ZFPM2: variants seen among roughly 807,000 people sequenced by gnomAD.
ZFPM2 encodes the protein zinc finger protein ZFPM2.
Under a neutral mutation model 98.6 loss-of-function variants are expected in ZFPM2, and 20 were observed. The ratio of observed to expected loss-of-function variants is 0.20; its 90% confidence interval spans 0.14 to 0.29. The LOEUF is 0.29. ZFPM2 is among the 10% of genes least tolerant of loss of function. ZFPM2 has a pLI of 1.00. For missense variants in ZFPM2, 1,310 were observed against 1,388.6 expected (o/e 0.94, Z 0.90); for synonymous variants, 518 against 502.7 (o/e 1.03, Z -0.41).
At chr8:105,364,027 T>C (rs777307905) in intron 1 of ZFPM2, among the ~76,000 whole-genome samples, 10 of 152,124 alleles carry the variant, frequency 6.6e-5, no homozygotes, top group South Asian at 2.1e-4. Flanking sequence ...GGAAGATGTG[T>C]TGTAGACTAC....
intron 3 of ZFPM2, among the ~76,000 whole-genome samples, chr8:105,484,502 T>C (rs1366272541): frequency 6.6e-6 from 1 of 152,172 alleles, no homozygotes; most frequent in Non-Finnish European, 1.5e-5. Context: ...TAATTTTAAA[T>C]ATACATATTT....
intron 3 of ZFPM2, among the ~76,000 whole-genome samples, chr8:105,447,870 A>C (rs1300633123): frequency 6.6e-6 from 1 of 152,126 alleles, no homozygotes; most frequent in African/African-American, 2.4e-5. Context: ...TGCAGATTCC[A>C]CAGTGGAAAG....
At chr8:105,388,196 T>C (rs1331819337) in intron 1 of ZFPM2, among the ~76,000 whole-genome samples, 1 of 152,132 alleles carries the variant, frequency 6.6e-6, no homozygotes, top group Non-Finnish European at 1.5e-5. Context: ...CACATGTGCA[T>C]ATGAATGTGC....
chr8:105,403,306 C>T (rs1216240410), intron 1 of ZFPM2, among the ~76,000 whole-genome samples: 2 of 151,978 alleles, frequency 1.3e-5, no homozygotes, highest in African/African-American at 4.8e-5. Context: ...TATAATCCGT[C>T]TTCCCTGGTT....
At chr8:105,502,298 AAGG>A (rs1813611695) in intron 3 of ZFPM2, among the ~76,000 whole-genome samples, 1 of 152,174 alleles carries the variant, frequency 6.6e-6, no homozygotes, top group Admixed American at 6.5e-5. Context: ...CATGGGAAGT[AAGG>A]ATAGATTAGA....
chr8:105,605,472 A>T (rs1414190162), intron 4 of ZFPM2, among the ~76,000 whole-genome samples: 1 of 152,134 alleles, frequency 6.6e-6, no homozygotes, highest in African/African-American at 2.4e-5. Context: ...TTTTATCTAC[A>T]TCATTAAAAC....
At chr8:105,753,691 A>T (rs979940681) in intron 5 of ZFPM2, among the ~76,000 whole-genome samples, 3 of 152,170 alleles carry the variant, frequency 2.0e-5, no homozygotes, top group African/African-American at 7.2e-5. Flanking sequence ...TAAGAAAATA[A>T]ATTTATATTT....
intron 1 of ZFPM2, among the ~76,000 whole-genome samples, chr8:105,368,187 CTT>C: frequency 6.9e-6 from 1 of 144,942 alleles, no homozygotes; most frequent in African/African-American, 2.6e-5. Context: ...CTAAAATTCT[CTT>C]TTTTGGTTGT....
chr8:105,379,572 G>GGT (rs1240873428), intron 1 of ZFPM2, among the ~76,000 whole-genome samples: 1 of 152,046 alleles, frequency 6.6e-6, no homozygotes, highest in East Asian at 1.9e-4. Flanking sequence ...TGACCAACAT[G>GGT]GTGAAACCCC....
At chr8:105,759,481 A>G (rs1202702430) in intron 5 of ZFPM2, among the ~76,000 whole-genome samples, 1 of 151,834 alleles carries the variant, frequency 6.6e-6, no homozygotes, top group Admixed American at 6.6e-5. Flanking sequence ...AAGGCTCCCA[A>G]TTATTGTTGG....
chr8:105,434,897 C>G (rs1812090789), intron 2 of ZFPM2, among the ~76,000 whole-genome samples: 1 of 152,296 alleles, frequency 6.6e-6, no homozygotes, highest in African/African-American at 2.4e-5. Context: ...GAAAAAGTGA[C>G]TGTCTCGGAA....
At chr8:105,505,072 TG>T (rs1813672263) in intron 3 of ZFPM2, among the ~76,000 whole-genome samples, 1 of 152,162 alleles carries the variant, frequency 6.6e-6, no homozygotes, top group Non-Finnish European at 1.5e-5. Flanking sequence ...GAAAATTACA[TG>T]GGTTTGGAAT....
intron 4 of ZFPM2, among the ~76,000 whole-genome samples, chr8:105,603,786 C>T (rs1816142313): frequency 6.6e-6 from 1 of 152,010 alleles, no homozygotes; most frequent in East Asian, 1.9e-4. Context: ...TCTTATCCTG[C>T]ATAGTGATAA....
intron 5 of ZFPM2, among the ~76,000 whole-genome samples, chr8:105,754,670 G>T (rs1319581643): frequency 1.4e-5 from 2 of 145,368 alleles, no homozygotes; most frequent in African/African-American, 5.4e-5. Flanking sequence ...TAAGAGAAAA[G>T]TAGTAGCAAC....
intron 1 of ZFPM2, among the ~76,000 whole-genome samples, chr8:105,370,867 C>G (rs1466897021): frequency 1.3e-5 from 2 of 152,222 alleles, no homozygotes; most frequent in Non-Finnish European, 2.9e-5. Flanking sequence ...CGCAACTTAT[C>G]TAACTCCAAA....
chr8:105,665,575 T>A (rs2130894207), intron 5 of ZFPM2, among the ~76,000 whole-genome samples: 1 of 152,142 alleles, frequency 6.6e-6, no homozygotes, highest in Admixed American at 6.5e-5. Flanking sequence ...TTGTAAAGAA[T>A]CAAGACAACC....
chr8:105,414,986 G>A (rs1228975353), intron 1 of ZFPM2: 2 of 152,048 alleles, frequency 1.3e-5, no homozygotes, highest in Non-Finnish European at 2.9e-5. Flanking sequence ...TGTACATTGG[G>A]CTGTCCATCA....
At chr8:105,493,508 A>G (rs1277231047) in intron 3 of ZFPM2, among the ~76,000 whole-genome samples, 5 of 152,170 alleles carry the variant, frequency 3.3e-5, no homozygotes, top group Admixed American at 2.6e-4. Flanking sequence ...TGATAAGAGA[A>G]GTACTTCTTT....
At chr8:105,379,812 A>T (rs565990159) in intron 1 of ZFPM2, among the ~76,000 whole-genome samples, 1 of 152,034 alleles carries the variant, frequency 6.6e-6, no homozygotes, top group East Asian at 1.9e-4. Flanking sequence ...CCATGAACAC[A>T]TGGTATAGAC....
Sources: gnomAD v4.1 joint callset for allele counts (sites outside exome capture counted in the v4.1 genomes callset) on GRCh38, gnomAD v4.1.1 for gene constraint, MANE v1.5 for transcripts, NCBI Gene and HGNC (gene_info 2026-07-23, HGNC 2026-07-21) for gene names.